Variants in ST6GAL2 observed in about 807,000 individuals in gnomAD.
ST6GAL2 encodes beta-galactoside alpha-2,6-sialyltransferase 2.
ST6GAL2 carries 24 observed loss-of-function variants against 37.5 expected under a neutral mutation model. The ratio of observed to expected loss-of-function variants is 0.64; its 90% CI spans 0.46 to 0.90. The LOEUF (loss-of-function observed/expected upper bound fraction) is 0.90, where lower values mean the gene tolerates loss of function less well. Among genes scored for constraint, ST6GAL2 ranks in the 40% least tolerant of loss-of-function variants. The pLI is 0.00. For synonymous variants in ST6GAL2, 306 were observed against 295.1 expected (o/e 1.04, Z -0.38); for missense variants, 715 against 712.7 (o/e 1.00, Z -0.04).
At chr2:106,876,808 A>G (rs924246213) in intron 1 of ST6GAL2, among the ~76,000 whole-genome samples, 3 of 152,238 alleles carry the variant, frequency 2.0e-5, no homozygotes, top group African/African-American at 7.2e-5. Context: ...GAAGAAAACA[A>G]GACAGATAGG....
At chr2:106,848,073 C>T (rs578067045) in intron 1 of ST6GAL2, among the ~76,000 whole-genome samples, 2 of 147,702 alleles carry the variant, frequency 1.4e-5, no homozygotes, top group East Asian at 2.0e-4. Context: ...GACAGAGTCT[C>T]GCTCTGTTGC....
chr2:106,868,912 T>C (rs1558725247), intron 1 of ST6GAL2, among the ~76,000 whole-genome samples: 1 of 152,198 alleles, frequency 6.6e-6, no homozygotes, highest in Non-Finnish European at 1.5e-5. Flanking sequence ...GGAGTGTCAT[T>C]ACATTCTGCT....
chr2:106,813,019 C>A, intron 5 of ST6GAL2: 1 of 1,223,508 alleles, frequency 8.2e-7, no homozygotes. Flanking sequence ...GATTTAGACA[C>A]GTTTTAATGT....
chr2:106,823,790 G>A (rs192366855), intron 5 of ST6GAL2, among the ~76,000 whole-genome samples: 7 of 152,174 alleles, frequency 4.6e-5, no homozygotes, highest in East Asian at 1.9e-4. Flanking sequence ...TCAATGTCTC[G>A]TGAGGACCCA....
chr2:106,884,928 TATATATACATAC>T (rs1476782552), intron 1 of ST6GAL2, among the ~76,000 whole-genome samples: 11 of 123,774 alleles, frequency 8.9e-5, no homozygotes, highest in Non-Finnish European at 1.1e-4. Flanking sequence ...TATATATATA[TATATATACATAC>T]ACACACACAC....
chr2:106,876,918 A>C (rs2104639487), intron 1 of ST6GAL2, among the ~76,000 whole-genome samples: 1 of 152,262 alleles, frequency 6.6e-6, no homozygotes, highest in South Asian at 2.1e-4. Context: ...TTGGTGAGAA[A>C]GACATGTGCT....
intron 2 of ST6GAL2, among the ~76,000 whole-genome samples, chr2:106,840,424 T>C (rs1676831402): frequency 6.6e-6 from 1 of 152,222 alleles, no homozygotes; most frequent in Admixed American, 6.5e-5. Context: ...ACACTGCTGA[T>C]GCTGAGATAC....
chr2:106,833,908 A>G, intron 3 of ST6GAL2, 141 bp downstream of exon 3: 1 of 518,322 alleles, frequency 1.9e-6, no homozygotes, highest in Non-Finnish European at 3.4e-6. Context: ...ATTAATTATA[A>G]GATTGATAGA....
intron 1 of ST6GAL2, among the ~76,000 whole-genome samples, chr2:106,855,881 C>T (rs1425044656): frequency 2.6e-5 from 4 of 152,150 alleles, no homozygotes; most frequent in Non-Finnish European, 5.9e-5. Flanking sequence ...ACACGGAACT[C>T]CAGATTTAGT....
At chr2:106,884,128 G>C (rs563708414) in intron 1 of ST6GAL2, among the ~76,000 whole-genome samples, 1 of 152,038 alleles carries the variant, frequency 6.6e-6, no homozygotes, top group African/African-American at 2.4e-5. Context: ...CTCGGGGGTG[G>C]GGGGGTGGAA....
intron 4 of ST6GAL2, among the ~76,000 whole-genome samples, chr2:106,830,620 T>A (rs1676384208): frequency 6.6e-6 from 1 of 152,188 alleles, no homozygotes; most frequent in Non-Finnish European, 1.5e-5. Flanking sequence ...AAATACTGAA[T>A]GGGCGTGCTG....
At position 106,856,375 on chromosome 2, in the gene ST6GAL2, G is replaced by T. The variant is rs376063168; in HGVS notation, c.-57-12341C>A. ...AGTCCCCAGTCCACTGAGAGACACG[G>T]ATCATGGTGTGAGTCTCTGTAGACC... On this transcript the variant is annotated intron_variant, in intron 1 of 5. Coordinates refer to ENST00000409382, the MANE Select transcript of ST6GAL2 (RefSeq NM_001142351.2). Among the ~76,000 whole-genome samples, 48 of 152,288 alleles carry T rather than the reference G, an allele frequency of 3.2e-4. No homozygotes were observed. The South Asian group carries it at 9.7e-3, about 31-fold the overall frequency.
chr2:106,822,056 G>T (rs1014873577), intron 5 of ST6GAL2, among the ~76,000 whole-genome samples: 2 of 152,120 alleles, frequency 1.3e-5, no homozygotes, highest in Admixed American at 6.5e-5. Context: ...GTTTCATACT[G>T]AATGGAGAAA....
chr2:106,839,020 C>T (rs1158220804), intron 2 of ST6GAL2, among the ~76,000 whole-genome samples: 4 of 151,532 alleles, frequency 2.6e-5, no homozygotes, highest in Admixed American at 6.6e-5. Flanking sequence ...TGTGCAACAG[C>T]GGGAGACTCC....
intron 1 of ST6GAL2, among the ~76,000 whole-genome samples, chr2:106,884,720 C>T (rs1678888976): frequency 6.6e-6 from 1 of 151,894 alleles, no homozygotes; most frequent in Non-Finnish European, 1.5e-5. Context: ...GTTTTGAGCA[C>T]AATATCCATT....
At chr2:106,823,332 A>G (rs753653122) in intron 5 of ST6GAL2, among the ~76,000 whole-genome samples, 4 of 151,924 alleles carry the variant, frequency 2.6e-5, no homozygotes, top group Non-Finnish European at 5.9e-5. Context: ...TGATGTCACA[A>G]TATCTCCAGG....
chr2:106,848,267 A>T (rs1255580981), intron 1 of ST6GAL2, among the ~76,000 whole-genome samples: 1 of 152,096 alleles, frequency 6.6e-6, no homozygotes, highest in East Asian at 1.9e-4. Context: ...GCAGAATGAA[A>T]ACAGTCCTAT....
At chr2:106,818,470 G>A (rs1281734184) in intron 5 of ST6GAL2, among the ~76,000 whole-genome samples, 1 of 149,940 alleles carries the variant, frequency 6.7e-6, no homozygotes, top group Non-Finnish European at 1.5e-5. Context: ...AGACCACCAA[G>A]GCAGTACCTC....
At chr2:106,828,255 T>C (rs566989311) in intron 5 of ST6GAL2, among the ~76,000 whole-genome samples, 3 of 152,324 alleles carry the variant, frequency 2.0e-5, no homozygotes, top group Non-Finnish European at 2.9e-5. Flanking sequence ...CATGAATTCA[T>C]GAGAGGGTGA....
Sources: allele counts gnomAD v4.1 joint callset (sites outside exome capture counted in the v4.1 genomes callset), GRCh38; gene constraint gnomAD v4.1.1; transcripts MANE v1.5; gene names NCBI Gene and HGNC (gene_info 2026-07-23, HGNC 2026-07-21).